MS4A8: variants seen among roughly 807,000 people sequenced by gnomAD.
MS4A8 encodes membrane-spanning 4-domains subfamily A member 8.
In MS4A8, 27 loss-of-function variants were observed where a neutral mutation model predicts 23.7. The observed-to-expected ratio is 1.14, with a 90% CI of 0.84 to 1.57. MS4A8 has a LOEUF of 1.57. Among genes scored for constraint, MS4A8 ranks in the 40% most tolerant of loss-of-function variants. The pLI is 0.00. For synonymous variants in MS4A8, 138 were observed against 126.3 expected (o/e 1.09, Z -0.62); for missense variants, 301 against 311.4 (o/e 0.97, Z 0.25).
chr11:60,706,509 CCTCCAG>C (rs1727891240), intron 3 of MS4A8, among the ~76,000 whole-genome samples: 1 of 152,202 alleles, frequency 6.6e-6, no homozygotes, highest in Non-Finnish European at 1.5e-5. Context: ...TTCCTTCTCC[CCTCCAG>C]AGCCCCCAAA....
intron 4 of MS4A8, 80 bp downstream of exon 4, chr11:60,707,127 C>T (rs1470026814): frequency 3.3e-5 from 43 of 1,283,776 alleles, no homozygotes; most frequent in East Asian, 9.2e-5. Flanking sequence ...AGGTCACATA[C>T]GATTCCTCCC....
intron 5 of MS4A8, among the ~76,000 whole-genome samples, chr11:60,713,958 C>T (rs1229650182): frequency 2.2e-5 from 3 of 138,860 alleles, no homozygotes; most frequent in Non-Finnish European, 4.5e-5. Context: ...CGCTCTGTCG[C>T]CCAGGCCGGA....
rs187694966 is a variant in MS4A8 at position 60,707,972 on chromosome 11, G to T, written c.403-678G>T. Among the ~76,000 whole-genome samples the T allele has an allele frequency of 2.6e-3, 396 of 151,792 alleles. 3 individuals carry two copies. Among genetic ancestry groups the T allele is most frequent in the African/African-American group, 9.2e-3 (381 of 41,384 alleles). ...AGCCTCCCTAGTAGCTGGGATTACAGGTGCACACCACCATGCCCAGCTAAT... is the reference window on the plus strand; with the variant it reads ...AGCCTCCCTAGTAGCTGGGATTACATGTGCACACCACCATGCCCAGCTAAT... On this transcript the variant is annotated intron_variant, in intron 4 of 6. Coordinates refer to ENST00000300226, the MANE Select transcript of MS4A8 (RefSeq NM_031457.2).
At chr11:60,701,187 G>C in intron 2 of MS4A8, 108 bp downstream of exon 2, 1 of 1,070,818 alleles carries the variant, frequency 9.3e-7, no homozygotes, top group South Asian at 1.4e-5. Context: ...AAGTGGGGCT[G>C]AGTTGATCGC....
At chr11:60,713,471 G>T (rs920442390) in intron 5 of MS4A8, among the ~76,000 whole-genome samples, 3 of 152,164 alleles carry the variant, frequency 2.0e-5, no homozygotes, top group Non-Finnish European at 4.4e-5. Flanking sequence ...AGAAAAAAGT[G>T]CTGTGCTTTT....
At chr11:60,712,378 T>A in intron 5 of MS4A8, 1 of 985,306 alleles carries the variant, frequency 1.0e-6, no homozygotes, top group Non-Finnish European at 1.2e-6. Context: ...CAAGCAGATG[T>A]TTAATAACCA....
At position 60,704,960 on chromosome 11, in the gene MS4A8, A is replaced by G. The variant is rs115734810; in HGVS notation, c.342+1460A>G. On this transcript the variant is annotated intron_variant, in intron 3 of 6. Transcript: ENST00000300226. ...TTCTCCTTTCTCTCCCTTCTGTTAC[A>G]GTCTTCCTCCTGACTCACACACCTA... Among the ~76,000 whole-genome samples the G allele has an allele frequency of 5.2e-3, 786 of 151,876 alleles. 10 individuals carry two copies. Among genetic ancestry groups the G allele is most frequent in the African/African-American group, 0.019 (770 of 41,370 alleles).
intron 3 of MS4A8, 59 bp downstream of exon 3, chr11:60,703,559 C>G: frequency 6.3e-7 from 1 of 1,583,924 alleles, no homozygotes; most frequent in Non-Finnish European, 8.6e-7. Flanking sequence ...GCACTCAAGG[C>G]CACCTTGCCA....
intron 5 of MS4A8, 115 bp downstream of exon 5, chr11:60,708,896 G>GTTTC (rs2088279740): frequency 7.5e-7 from 1 of 1,327,752 alleles, no homozygotes; most frequent in African/African-American, 1.5e-5. Context: ...GGAAAAGGAG[G>GTTTC]TGCTTTCAGC....
chr11:60,701,049 G>A lies in MS4A8; in HGVS notation c.189G>A (p.Gln63=). The change falls in exon 2 of 7, where the codon CAG becomes CAA. Residue 63 remains glutamine, a synonymous_variant. Coordinates refer to ENST00000300226, the MANE Select transcript of MS4A8 (RefSeq NM_031457.2). ...LVSNVNGQPV[Q]KALKEGKTLG... ...CGAATGTGAATGGGCAGCCTGTGCA[G>A]AAAGCTCTGAAAGAAGGCAAAACCT... 1 of 1,614,162 alleles carries A rather than the reference G, an allele frequency of 6.2e-7. No individual in the cohort carries two copies. The highest frequency in any genetic ancestry group is 1.3e-5 in the African/African-American group (1 of 75,036).
At chr11:60,714,913 TA>T (rs375288329) in intron 5 of MS4A8, 107 bp from the exon 6 acceptor site, 52 of 770,774 alleles carry the variant, frequency 6.7e-5, no homozygotes, top group African/African-American at 6.6e-4. Flanking sequence ...TGAGAGAGGA[TA>T]GGGGACTTCC....
At chr11:60,710,757 C>T (rs1043333425) in intron 5 of MS4A8, among the ~76,000 whole-genome samples, 1 of 152,180 alleles carries the variant, frequency 6.6e-6, no homozygotes. Context: ...AAGATGCTGG[C>T]CCTCTGGTGC....
At chr11:60,708,825 G>T in intron 5 of MS4A8, 44 bp downstream of exon 5, 1 of 1,610,138 alleles carries the variant, frequency 6.2e-7, no homozygotes, top group Non-Finnish European at 8.5e-7. Context: ...TTCTGAATTA[G>T]CTACATTTAG....
intron 3 of MS4A8, among the ~76,000 whole-genome samples, chr11:60,704,837 T>C (rs60684765): frequency 4.0e-3 from 240 of 59,650 alleles, no homozygotes; most frequent in Middle Eastern, 0.015. Context: ...CACACACACA[T>C]ACACACACAC....
chr11:60,706,582 T>A (rs1281161469), intron 3 of MS4A8, among the ~76,000 whole-genome samples: 2 of 151,998 alleles, frequency 1.3e-5, no homozygotes, highest in Non-Finnish European at 2.9e-5. Context: ...TGTGGGAAAA[T>A]AAAATACAAG....
intron 3 of MS4A8, among the ~76,000 whole-genome samples, chr11:60,706,742 A>G (rs2088259199): frequency 6.6e-6 from 1 of 152,230 alleles, no homozygotes; most frequent in Non-Finnish European, 1.5e-5. Flanking sequence ...AGAGAAGTTA[A>G]TAACTTACCC....
chr11:60,702,067 A>G (rs2088209757), intron 2 of MS4A8, among the ~76,000 whole-genome samples: 1 of 152,234 alleles, frequency 6.6e-6, no homozygotes, highest in Admixed American at 6.5e-5. Flanking sequence ...CACGTGTGTA[A>G]TATACAAACA....
At position 60,715,511 on chromosome 11, in the gene MS4A8, G is replaced by C; in HGVS notation, c.*97G>C. On this transcript the variant is annotated 3_prime_UTR_variant, in exon 7 of 7. Transcript: ENST00000300226. Reference sequence around the variant, plus strand: ...CCAGGTCGTTCCTGTTCTGACAGCTGAGGAAACGTCTCTCCCACTGTTTGT... The same window carrying C: ...CCAGGTCGTTCCTGTTCTGACAGCTCAGGAAACGTCTCTCCCACTGTTTGT... The C allele has an allele frequency of 1.2e-6, 1 of 851,328 alleles. No homozygotes were observed. 52.7% of individuals were successfully genotyped at this position (851,328 alleles called of 1,614,324 possible).
At chr11:60,703,844 G>A (rs1457822620) in intron 3 of MS4A8, among the ~76,000 whole-genome samples, 1 of 152,092 alleles carries the variant, frequency 6.6e-6, no homozygotes, top group Non-Finnish European at 1.5e-5. Context: ...GCCTTTCCAC[G>A]GCCTTCCTCC....
Sources: allele counts gnomAD v4.1 joint callset (sites outside exome capture counted in the v4.1 genomes callset), GRCh38; gene constraint gnomAD v4.1.1; transcripts MANE v1.5; gene names NCBI Gene and HGNC (gene_info 2026-07-23, HGNC 2026-07-21).